The following R3HDM2 variants were observed in gnomAD, a reference collection of about 807,000 sequenced individuals.
The protein encoded by R3HDM2 is R3H domain-containing protein 2.
R3HDM2 carries 38 observed loss-of-function variants against 124.5 expected under a neutral mutation model. The ratio of observed to expected loss-of-function variants is 0.31; its 90% CI spans 0.24 to 0.40. The LOEUF is 0.40. Among genes scored for constraint, R3HDM2 ranks in the 10% least tolerant of loss-of-function variants. The pLI is 1.00. For missense variants in R3HDM2, 869 were observed against 1,236.9 expected, an observed-to-expected ratio of 0.70 and a Z score of 4.46; for synonymous variants, 391 against 448.0, an observed-to-expected ratio of 0.87 and a Z score of 1.61.
Position 57,254,703 on chromosome 12 carries a change from T to C in R3HDM2, c.*70A>G. 3 of 1,316,218 alleles carry C rather than the reference T, an allele frequency of 2.3e-6. No homozygotes were observed. Among genetic ancestry groups the C allele is most frequent in the Non-Finnish European group, 3.1e-6 (3 of 958,260 alleles). 81.5% of individuals were successfully genotyped at this position (1,316,218 alleles called of 1,614,324 possible). A position where few individuals can be genotyped will look rare whatever the true frequency, so the allele number is the denominator to read the frequency against. On this transcript the variant is annotated 3_prime_UTR_variant, in exon 24 of 24. Transcript: ENST00000402412. ...TTACTTCCTGCCTCTGTCCATGGTCTGTCAGGATCCTTCAACCCCCTCCAC... is the reference window on the plus strand; with the variant it reads ...TTACTTCCTGCCTCTGTCCATGGTCCGTCAGGATCCTTCAACCCCCTCCAC...
intron 2 of R3HDM2, among the ~76,000 whole-genome samples, chr12:57,349,379 C>CAAAAAAAAAAAAAAAAAAAA (rs1161831845): frequency 3.5e-5 from 2 of 57,776 alleles, no homozygotes; most frequent in African/African-American, 9.3e-5. Flanking sequence ...ACTCCGTCTC[C>CAAAAAAAAAAAAAAAAAAAA]AAAAAAAAAA....
At chr12:57,383,083 G>A (rs1423836903) in intron 2 of R3HDM2, among the ~76,000 whole-genome samples, 1 of 151,786 alleles carries the variant, frequency 6.6e-6, no homozygotes, top group Non-Finnish European at 1.5e-5. Flanking sequence ...TTGAACTCCT[G>A]ACCTCAGGTG....
Position 57,395,771 on chromosome 12 carries a change from T to C in R3HDM2, c.-58A>G. The C allele has an allele frequency of 1.0e-6, 1 of 984,626 alleles. No individual in the cohort carries two copies. Among genetic ancestry groups the C allele is most frequent in the Non-Finnish European group, 1.2e-6 (1 of 829,480 alleles). 61.0% of individuals were successfully genotyped at this position (984,626 alleles called of 1,614,324 possible). On this transcript the variant is annotated 5_prime_UTR_variant, in exon 2 of 24. An upstream start codon of the reference 5' UTR is lost. Coordinates refer to ENST00000402412, the MANE Select transcript of R3HDM2 (RefSeq NM_001394031.1). ...TACCTGAATAAATGCTCAGCCTCCA[T>C]GAGTCCAGTGCTGGAATGGCATCAC...
intron 2 of R3HDM2, among the ~76,000 whole-genome samples, chr12:57,345,447 G>A (rs2059987497): frequency 1.3e-5 from 2 of 151,462 alleles, no homozygotes; most frequent in South Asian, 2.1e-4. Flanking sequence ...AAAATGAAAT[G>A]ATGCATTCGT....
At chr12:57,318,734 T>C (rs1468181246) in intron 2 of R3HDM2, among the ~76,000 whole-genome samples, 2 of 152,166 alleles carry the variant, frequency 1.3e-5, no homozygotes, top group African/African-American at 4.8e-5. Flanking sequence ...GCTAAAACTT[T>C]TGAGTGCTTA....
intron 2 of R3HDM2, among the ~76,000 whole-genome samples, chr12:57,370,728 A>G (rs898782708): frequency 3.3e-5 from 5 of 152,224 alleles, no homozygotes; most frequent in African/African-American, 1.2e-4. Flanking sequence ...AAAATGGACT[A>G]ATACAGAGGG....
intron 2 of R3HDM2, among the ~76,000 whole-genome samples, chr12:57,357,296 T>C (rs1593833968): frequency 6.6e-6 from 1 of 151,644 alleles, no homozygotes; most frequent in East Asian, 1.9e-4. Flanking sequence ...ACCCCATCTT[T>C]ACTAAAAATA....
chr12:57,424,414 A>G (rs1038371805), intron 1 of R3HDM2, among the ~76,000 whole-genome samples: 3 of 152,052 alleles, frequency 2.0e-5, no homozygotes, highest in Admixed American at 6.6e-5. Flanking sequence ...CACCCGCCTC[A>G]GCCTCCCAAA....
intron 1 of R3HDM2, among the ~76,000 whole-genome samples, chr12:57,403,185 G>A (rs568378857): frequency 9.5e-4 from 145 of 151,952 alleles, no homozygotes; most frequent in African/African-American, 3.3e-3. Context: ...GTGAAACCTC[G>A]TCTCTACTAA....
intron 2 of R3HDM2, among the ~76,000 whole-genome samples, chr12:57,364,939 T>G (rs1593978258): frequency 5.7e-5 from 6 of 105,722 alleles, no homozygotes; most frequent in Admixed American, 1.2e-4. Flanking sequence ...GGTGACAGAG[T>G]GAGACTCCAT....
At chr12:57,309,661 G>A (rs904449784) in intron 3 of R3HDM2, among the ~76,000 whole-genome samples, 3 of 152,146 alleles carry the variant, frequency 2.0e-5, no homozygotes, top group Non-Finnish European at 4.4e-5. Context: ...TTTATTATAT[G>A]AGTCATTTTA....
chr12:57,261,145 A>G (rs2040713421), intron 19 of R3HDM2, among the ~76,000 whole-genome samples: 1 of 152,152 alleles, frequency 6.6e-6, no homozygotes, highest in African/African-American at 2.4e-5. Flanking sequence ...TTTGCTGGGT[A>G]TTTTATTTCC....
At chr12:57,339,849 C>A (rs921185875) in intron 2 of R3HDM2, among the ~76,000 whole-genome samples, 4 of 152,130 alleles carry the variant, frequency 2.6e-5, no homozygotes, top group African/African-American at 9.7e-5. Context: ...ATATATATCA[C>A]ATTTTTAATT....
chr12:57,414,483 CATTAAAAA>C (rs1566512667), intron 1 of R3HDM2, among the ~76,000 whole-genome samples: 1 of 77,218 alleles, frequency 1.3e-5, no homozygotes, highest in Admixed American at 1.6e-4. Flanking sequence ...AGAAAGACTC[CATTAAAAA>C]AAAAAAAAAA....
chr12:57,362,491 G>A (rs545609042), intron 2 of R3HDM2, among the ~76,000 whole-genome samples: 3 of 152,328 alleles, frequency 2.0e-5, no homozygotes, highest in African/African-American at 7.2e-5. Context: ...TTAATGAACT[G>A]TTTATGTTAC....
chr12:57,427,996 T>C (rs1289315893), intron 1 of R3HDM2, among the ~76,000 whole-genome samples: 2 of 151,932 alleles, frequency 1.3e-5, no homozygotes, highest in African/African-American at 4.8e-5. Flanking sequence ...GGCAGGCACC[T>C]GTAATCCCAG....
At position 57,313,147 on chromosome 12, in the gene R3HDM2, G is replaced by C. The variant is rs10083191; in HGVS notation, c.-35-2684C>G. 8.2e-3 allele frequency among the ~76,000 whole-genome samples: 1,251 copies of C among 152,176 alleles called. 16 individuals are homozygous for C. Among genetic ancestry groups the C allele is most frequent in the African/African-American group, 0.028 (1,168 of 41,514 alleles). On this transcript the variant is annotated intron_variant, in intron 2 of 23. Coordinates refer to ENST00000402412, the MANE Select transcript of R3HDM2 (RefSeq NM_001394031.1). ...CTTTGTTTATGTATGTAGTATGTAT[G>C]TATGTATTACCCACCCCCACAATGG...
At chr12:57,383,800 T>C (rs1396274884) in intron 2 of R3HDM2, among the ~76,000 whole-genome samples, 1 of 152,152 alleles carries the variant, frequency 6.6e-6, no homozygotes, top group Non-Finnish European at 1.5e-5. Flanking sequence ...AATAAGAAGG[T>C]CCAGAGGGAT....
chr12:57,400,748 TAA>T (rs1566490207), intron 1 of R3HDM2, among the ~76,000 whole-genome samples: 1 of 151,908 alleles, frequency 6.6e-6, no homozygotes, highest in East Asian at 1.9e-4. Flanking sequence ...TAACTCTCTA[TAA>T]CTAACAAGCC....
Sources: allele counts gnomAD v4.1 joint callset (sites outside exome capture counted in the v4.1 genomes callset), GRCh38; gene constraint gnomAD v4.1.1; transcripts MANE v1.5; gene names NCBI Gene and HGNC (gene_info 2026-07-23, HGNC 2026-07-21).